VAT1L: variants seen among roughly 807,000 people sequenced by gnomAD.
VAT1L encodes putative NADPH-dependent quinone oxidoreductase VAT1L.
Under a neutral mutation model 44.1 loss-of-function variants are expected in VAT1L, and 34 were observed. That is an observed-to-expected ratio of 0.77 (90% CI 0.59 to 1.03). The LOEUF is 1.03. VAT1L is among the 50% of genes least tolerant of loss of function. The pLI, the probability that VAT1L is intolerant of heterozygous loss-of-function variation, is 0.00. For missense variants in VAT1L, 615 were observed against 538.8 expected (o/e 1.14, Z -1.40); for synonymous variants, 253 against 202.2 (o/e 1.25, Z -2.13).
intron 4 of VAT1L, among the ~76,000 whole-genome samples, chr16:77,869,694 C>T (rs2017010621): frequency 2.6e-5 from 4 of 152,164 alleles, no homozygotes; most frequent in South Asian, 4.2e-4. Context: ...CCACCCACTT[C>T]GAGCATTTTC....
chr16:77,907,054 G>A lies in VAT1L; in HGVS notation c.1077+22252G>A, dbSNP rs547021838. Among the ~76,000 whole-genome samples, 3 of 152,322 alleles carry A rather than the reference G, an allele frequency of 2.0e-5. No individual in the cohort carries two copies. In the South Asian group the frequency reaches 6.2e-4, roughly 32 times the overall value. On this transcript the variant is annotated intron_variant, in intron 7 of 8. Transcript: ENST00000302536. The stretch of plus-strand genomic sequence containing the variant: ...CAATTAGAGGTCTACACAGTGAAAT[G>A]CTGGTAAATATTAAATATTTTAACA...
At chr16:77,838,863 C>T (rs2016669813) in intron 3 of VAT1L, among the ~76,000 whole-genome samples, 1 of 151,398 alleles carries the variant, frequency 6.6e-6, no homozygotes, top group Non-Finnish European at 1.5e-5. Flanking sequence ...TCTCTTTCTC[C>T]CCTTTATTCT....
intron 7 of VAT1L, among the ~76,000 whole-genome samples, chr16:77,969,762 A>C (rs563573027): frequency 6.6e-6 from 1 of 152,144 alleles, no homozygotes; most frequent in South Asian, 2.1e-4. Flanking sequence ...CCATTTTAGA[A>C]GGTGTCTGCT....
At chr16:77,904,409 G>C (rs1319540053) in intron 7 of VAT1L, among the ~76,000 whole-genome samples, 1 of 152,100 alleles carries the variant, frequency 6.6e-6, no homozygotes, top group Non-Finnish European at 1.5e-5. Context: ...TAGTTTTGGA[G>C]ACTGGGAATT....
chr16:77,926,450 G>A (rs1289796693), intron 7 of VAT1L, among the ~76,000 whole-genome samples: 1 of 151,946 alleles, frequency 6.6e-6, no homozygotes, highest in Non-Finnish European at 1.5e-5. Context: ...AGGGTGTGGT[G>A]GCAGGCGCCT....
At chr16:77,813,912 T>C (rs2016308443) in intron 1 of VAT1L, among the ~76,000 whole-genome samples, 1 of 152,220 alleles carries the variant, frequency 6.6e-6, no homozygotes, top group Admixed American at 6.5e-5. Flanking sequence ...GCTATAAACA[T>C]GGCTCTTGTA....
At chr16:77,812,513 GTGT>G (rs2016283613) in intron 1 of VAT1L, among the ~76,000 whole-genome samples, 1 of 152,180 alleles carries the variant, frequency 6.6e-6, no homozygotes, top group South Asian at 2.1e-4. Flanking sequence ...ACTGTCAGTG[GTGT>G]TGTGGTGCCT....
intron 3 of VAT1L, among the ~76,000 whole-genome samples, chr16:77,825,864 A>AAT (rs1555513063): frequency 1.3e-5 from 2 of 150,166 alleles, no homozygotes; most frequent in African/African-American, 2.5e-5. Flanking sequence ...AAAATAAAAA[A>AAT]AAAAAAAAAT....
chr16:77,951,722 G>A (rs2018044853), intron 7 of VAT1L, among the ~76,000 whole-genome samples: 1 of 152,022 alleles, frequency 6.6e-6, no homozygotes, highest in African/African-American at 2.4e-5. Flanking sequence ...GGAAGGAGGT[G>A]AGATTAGCAC....
At chr16:77,916,364 G>A (rs1359640202) in intron 7 of VAT1L, among the ~76,000 whole-genome samples, 3 of 152,134 alleles carry the variant, frequency 2.0e-5, no homozygotes, top group African/African-American at 7.2e-5. Context: ...CAGAATTCAG[G>A]CCCTACCTGA....
chr16:77,967,126 G>A (rs1433230366), intron 7 of VAT1L, among the ~76,000 whole-genome samples: 1 of 152,030 alleles, frequency 6.6e-6, no homozygotes, highest in Non-Finnish European at 1.5e-5. Context: ...TGCAGACTTT[G>A]CTTTGCCAAG....
chr16:77,824,477 C>G (rs774543222), intron 2 of VAT1L, among the ~76,000 whole-genome samples: 5 of 152,006 alleles, frequency 3.3e-5, no homozygotes, highest in Non-Finnish European at 7.4e-5. Context: ...GATTGTGGGC[C>G]AGGCACGGTG....
Position 77,926,000 on chromosome 16 carries a change from T to C in VAT1L, c.1077+41198T>C, listed in dbSNP as rs755431589. On this transcript the variant is annotated intron_variant, in intron 7 of 8. Transcript: ENST00000302536. Reference sequence around the variant, plus strand: ...AGTCGGGGCCGGGTGCGGTGGCTCATACCTGTAATCCTAGCACTTTGGGAG... The same window carrying C: ...AGTCGGGGCCGGGTGCGGTGGCTCACACCTGTAATCCTAGCACTTTGGGAG... Among the ~76,000 whole-genome samples, 34 of 152,104 alleles carry C rather than the reference T, an allele frequency of 2.2e-4. No individual in the cohort carries two copies. The East Asian group carries it at 2.9e-3, about 13-fold the overall frequency.
At chr16:77,848,727 C>T (rs909187135) in intron 3 of VAT1L, among the ~76,000 whole-genome samples, 4 of 152,192 alleles carry the variant, frequency 2.6e-5, no homozygotes, top group Admixed American at 6.5e-5. Context: ...CATGCCACCT[C>T]ATGTTCCCAG....
In VAT1L at chr16:77,879,360, G is replaced by T; in HGVS notation, c.882+136G>T. On this transcript the variant is annotated intron_variant, in intron 6 of 8. Transcript: ENST00000302536. This position sits in a 1 kb window ranked among gnomAD's most constrained non-coding sequence, Gnocchi z 4.1. Reference sequence around the variant, plus strand: ...GGCTGGAGTGCAATGGCACGATCTCGGCTCATGGCAACCTCCGACTCCCTG... The same window carrying T: ...GGCTGGAGTGCAATGGCACGATCTCTGCTCATGGCAACCTCCGACTCCCTG... 1.1e-6 allele frequency: 1 copy of T among 909,802 alleles called. No individual in the cohort carries two copies. The highest frequency in any genetic ancestry group is 1.7e-6 in the Non-Finnish European group (1 of 571,906). 56.4% of individuals were successfully genotyped at this position (909,802 alleles called of 1,614,324 possible). A position where few individuals can be genotyped will look rare whatever the true frequency, so the allele number is the denominator to read the frequency against.
intron 7 of VAT1L, among the ~76,000 whole-genome samples, chr16:77,949,336 A>G (rs1361073687): frequency 6.6e-6 from 1 of 152,182 alleles, no homozygotes; most frequent in Non-Finnish European, 1.5e-5. Context: ...ATGGCAGACA[A>G]TGAGTTTCTT....
At chr16:77,939,089 T>C (rs909307636) in intron 7 of VAT1L, among the ~76,000 whole-genome samples, 1 of 152,176 alleles carries the variant, frequency 6.6e-6, no homozygotes, top group Non-Finnish European at 1.5e-5. Flanking sequence ...TCTGTTGCCC[T>C]GTTAGTTCCT....
intron 8 of VAT1L, 93 bp downstream of exon 8, chr16:77,972,026 A>T: frequency 7.9e-7 from 1 of 1,264,420 alleles, no homozygotes; most frequent in Non-Finnish European, 1.1e-6. Context: ...AAGGAAGTAC[A>T]GGTAGCCTGT....
intron 1 of VAT1L, among the ~76,000 whole-genome samples, chr16:77,793,417 G>C (rs1041005548): frequency 6.6e-6 from 1 of 152,154 alleles, no homozygotes; most frequent in African/African-American, 2.4e-5. Flanking sequence ...TCATAAACTG[G>C]AACTGTCTTA....
Sources: gnomAD v4.1 joint callset for allele counts (sites outside exome capture counted in the v4.1 genomes callset) on GRCh38, gnomAD v4.1.1 for gene constraint, Gnocchi (gnomAD v3.1) non-coding constraint, MANE v1.5 for transcripts, NCBI Gene and HGNC (gene_info 2026-07-23, HGNC 2026-07-21) for gene names.